The following C6orf132 variants were observed in gnomAD, a reference collection of about 807,000 sequenced individuals.
The protein encoded by C6orf132 is uncharacterized protein C6orf132.
A neutral mutation model predicts 65.3 loss-of-function variants in C6orf132; 43 were observed. The observed-to-expected ratio is 0.66, with a 90% CI of 0.52 to 0.85. The LOEUF (loss-of-function observed/expected upper bound fraction) is 0.85, where lower values mean the gene tolerates loss of function less well. C6orf132 is among the 40% of genes least tolerant of loss of function. The pLI is 0.00. For synonymous variants in C6orf132, 631 were observed against 654.1 expected, an observed-to-expected ratio of 0.96 and a Z score of 0.54; for missense variants, 1,488 against 1,548.8, an observed-to-expected ratio of 0.96 and a Z score of 0.66.
Position 42,105,181 on chromosome 6 carries a change from C to T in C6orf132, c.2731G>A (p.Glu911Lys), listed in dbSNP as rs1486739992. Residue 911 changes from glutamate (E) to lysine (K), a missense_variant, in exon 4 of 5, where the codon GAA becomes AAA. Coordinates refer to ENST00000341865, the MANE Select transcript of C6orf132 (RefSeq NM_001164446.3). ...EAEKDSPLTT[E>K]IPNKWGPRLG... ...CGCGGCCCCCACTTATTGGGTATTTCGGTCGTCAGCGGGGAGTCCTTCTCA... is the reference window on the plus strand; with the variant it reads ...CGCGGCCCCCACTTATTGGGTATTTTGGTCGTCAGCGGGGAGTCCTTCTCA... The T allele has an allele frequency of 8.5e-6, 13 of 1,537,064 alleles. No individual in the cohort carries two copies. The highest frequency in any genetic ancestry group is 1.7e-4 in the Middle Eastern group (1 of 6,012).
At position 42,128,682 on chromosome 6, in the gene C6orf132, A is replaced by G; in HGVS notation, c.242T>C (p.Phe81Ser). Residue 81 changes from phenylalanine to serine, a missense_variant, in exon 2 of 5, where the codon TTC becomes TCC. Coordinates refer to ENST00000341865, the MANE Select transcript of C6orf132 (RefSeq NM_001164446.3). ...CAGAACCGTACTCACCAGCGGAAGGAAGGTCAGCAGGGGCCGGACTCTTGG... is the reference window on the plus strand; with the variant it reads ...CAGAACCGTACTCACCAGCGGAAGGGAGGTCAGCAGGGGCCGGACTCTTGG... ...ARPRVRPLLT[F>S]LPLNAQENHG... 6.4e-7 allele frequency: 1 copy of G among 1,551,136 alleles called. No homozygotes were observed. Among genetic ancestry groups the G allele is most frequent in the African/African-American group, 1.4e-5 (1 of 73,116 alleles).
chr6:42,110,221 A>G lies in C6orf132; in HGVS notation c.323T>C (p.Val108Ala). The G allele has an allele frequency of 6.5e-7, 1 of 1,548,574 alleles. No homozygotes were observed. ...SVPDDFADKE[V>A]TGTSSLVNGN... ...CAAGCCCAGGGTTCACTTACCTGTC[A>G]CTTCTTTGTCTGCAAAATCATCTGG... Residue 108 changes from valine (V) to alanine (A), a missense_variant, in exon 3 of 5, where the codon GTG (valine) becomes GCG (alanine). Transcript: ENST00000341865.
At chr6:42,131,309 C>T (rs768123235) in intron 1 of C6orf132, among the ~76,000 whole-genome samples, 10 of 152,244 alleles carry the variant, frequency 6.6e-5, no homozygotes, top group Non-Finnish European at 1.3e-4. Context: ...GTGTGTACCA[C>T]GCGCCCAGCC....
rs1212637682 is a variant in C6orf132 at position 42,104,881 on chromosome 6, A to T, written c.3031T>A (p.Ser1011Thr). Residue 1011 changes from serine to threonine, a missense_variant, in exon 4 of 5, where the codon TCC (serine) becomes ACC (threonine). By Grantham distance (58) the Ser-to-Thr change is moderately conservative. Transcript: ENST00000341865. This position sits in a 1 kb window ranked among gnomAD's most constrained non-coding sequence, Gnocchi z 4.1. The stretch of plus-strand genomic sequence containing the variant: ...TCTGAGTAGTTGTTCCGGGGAGGGG[A>T]GCTCTGGCGGCCCAGATACTGGAGG... ...PALQYLGRQS[S>T]PPRNNYSDLR... 1 of 1,447,520 alleles carries T rather than the reference A, an allele frequency of 6.9e-7. No homozygotes were observed. The highest frequency in any genetic ancestry group is 1.4e-5 in the African/African-American group (1 of 69,764). The allele number at this position is 1,447,520 out of a possible 1,614,324, so 89.7% of individuals were successfully genotyped here.
At position 42,107,237 on chromosome 6, in the gene C6orf132, G is replaced by A. The variant is rs1192030598; in HGVS notation, c.675C>T (p.Ala225=). ...GGGCTGGCACAGGAGGCGGTGGGGG[G>A]GCTAGAAAGGCCAAGGGTGGGGCAG... The part of the protein sequence containing the change: ...IPPAPPLAFL[A]PPPPPVPAPA... The change falls in exon 4 of 5, where the codon GCC becomes GCT. Residue 225 remains alanine, a synonymous_variant. Coordinates refer to ENST00000341865, the MANE Select transcript of C6orf132 (RefSeq NM_001164446.3). 1.3e-5 allele frequency: 17 copies of A among 1,349,226 alleles called. No individual in the cohort carries two copies. The highest frequency in any genetic ancestry group is 1.4e-5 in the Non-Finnish European group (14 of 1,029,184). 83.6% of individuals were successfully genotyped at this position (1,349,226 alleles called of 1,614,324 possible).
Position 42,103,734 on chromosome 6 carries a change from T to C in C6orf132, c.*27A>G. The C allele has an allele frequency of 7.7e-7, 1 of 1,298,346 alleles. No homozygotes were observed. Among genetic ancestry groups the C allele is most frequent in the East Asian group, 3.0e-5 (1 of 32,894 alleles). The allele number at this position is 1,298,346 out of a possible 1,614,324, so 80.4% of individuals were successfully genotyped here. A position where few individuals can be genotyped will look rare whatever the true frequency, so the allele number is the denominator to read the frequency against. Reference sequence around the variant, plus strand: ...CCAGATCCTTAAAGACACAGTTTGTTGGAGTAGAGCTAAGAGAACCCCTGG... The same window carrying C: ...CCAGATCCTTAAAGACACAGTTTGTCGGAGTAGAGCTAAGAGAACCCCTGG... On this transcript the variant is annotated 3_prime_UTR_variant, in exon 5 of 5. Coordinates refer to ENST00000341865, the MANE Select transcript of C6orf132 (RefSeq NM_001164446.3).
Position 42,107,092 on chromosome 6 carries a change from C to T in C6orf132, c.820G>A (p.Ala274Thr), listed in dbSNP as rs965851126. 6.8e-6 allele frequency: 10 copies of T among 1,461,530 alleles called. No individual in the cohort carries two copies. In the East Asian group the frequency reaches 2.2e-4, roughly 33 times the overall value. The allele number at this position is 1,461,530 out of a possible 1,614,324, so 90.5% of individuals were successfully genotyped here. ...LNGRQAEATR[A>T]SPPRSPAEPK... is the part of the protein sequence containing the mutation. ...TCAGCAGGGCTTCTCGGGGGGCTGG[C>T]TCTGGTGGCCTCTGCCTGCCTGCCA... The change falls in exon 4 of 5, where the codon GCC becomes ACC. Residue 274 changes from alanine (A) to threonine (T), a missense_variant. Transcript: ENST00000341865.
chr6:42,134,491 C>T (rs1335342851), intron 1 of C6orf132, among the ~76,000 whole-genome samples: 3 of 151,686 alleles, frequency 2.0e-5, no homozygotes, highest in South Asian at 2.1e-4. Context: ...ATCAGCCTGG[C>T]GGCCGGGCAC....
chr6:42,111,342 A>T (rs983186088), intron 2 of C6orf132, among the ~76,000 whole-genome samples: 4 of 142,056 alleles, frequency 2.8e-5, no homozygotes, highest in African/African-American at 1.1e-4. Context: ...GTGTAATGGC[A>T]TGATCTCTGC....
At position 42,102,847 on chromosome 6, in the gene C6orf132, G is replaced by T; in HGVS notation, c.*914C>A. On this transcript the variant is annotated 3_prime_UTR_variant, in exon 5 of 5. Transcript: ENST00000341865. The stretch of plus-strand genomic sequence containing the variant: ...AAGGCATCAAGAGTATTGGTGACTT[G>T]TAGTATCAGTGTTAGGAAAAATGCC... 2.6e-6 allele frequency: 1 copy of T among 386,356 alleles called. No individual in the cohort carries two copies. The highest frequency in any genetic ancestry group is 4.6e-6 in the Non-Finnish European group (1 of 218,816). The allele number at this position is 386,356 out of a possible 1,614,324, so 23.9% of individuals were successfully genotyped here. A position where few individuals can be genotyped will look rare whatever the true frequency, so the allele number is the denominator to read the frequency against.
chr6:42,104,972 C>T lies in C6orf132; in HGVS notation c.2940G>A (p.Glu980=). ...PSNKREEEEE[E]FNFEVIPPPP... Reference sequence around the variant, plus strand: ...GCGGTGGGATGACCTCGAAGTTGAACTCCTCCTCCTCCTCCTCCCTCTTGT... The same window carrying T: ...GCGGTGGGATGACCTCGAAGTTGAATTCCTCCTCCTCCTCCTCCCTCTTGT... The change falls in exon 4 of 5, where the codon GAG becomes GAA. Residue 980 remains glutamate, a synonymous_variant. Coordinates refer to ENST00000341865, the MANE Select transcript of C6orf132 (RefSeq NM_001164446.3). This position sits in a 1 kb window ranked among gnomAD's most constrained non-coding sequence, Gnocchi z 4.1. The T allele has an allele frequency of 1.7e-6, 2 of 1,184,942 alleles. No individual in the cohort carries two copies. The highest frequency in any genetic ancestry group is 2.3e-6 in the Non-Finnish European group (2 of 864,250). 73.4% of individuals were successfully genotyped at this position (1,184,942 alleles called of 1,614,324 possible). A position where few individuals can be genotyped will look rare whatever the true frequency, so the allele number is the denominator to read the frequency against.
intron 2 of C6orf132, among the ~76,000 whole-genome samples, chr6:42,112,011 G>A (rs952996879): frequency 1.4e-5 from 2 of 139,564 alleles, no homozygotes; most frequent in African/African-American, 2.9e-5. Context: ...TAGCTTCACC[G>A]ACTCCCTCCC....
intron 1 of C6orf132, among the ~76,000 whole-genome samples, chr6:42,138,646 G>C (rs12192374): frequency 6.6e-6 from 1 of 152,252 alleles, no homozygotes; most frequent in East Asian, 1.9e-4. Flanking sequence ...TAGAGGAACG[G>C]GGTAGGAAAG....
chr6:42,138,824 C>T (rs568402625), intron 1 of C6orf132, among the ~76,000 whole-genome samples: 4 of 145,572 alleles, frequency 2.7e-5, no homozygotes, highest in Admixed American at 1.4e-4. Context: ...TGCGAAGATC[C>T]ACATCTCTGC....
At chr6:42,115,703 T>C (rs937595259) in intron 2 of C6orf132, among the ~76,000 whole-genome samples, 2 of 152,230 alleles carry the variant, frequency 1.3e-5, no homozygotes, top group Middle Eastern at 6.8e-3. Flanking sequence ...TTATCTTATG[T>C]ATATCTTATA....
In C6orf132 at chr6:42,142,591, T is replaced by G; in HGVS notation, c.-147A>C. 9.2e-5 allele frequency: 38 copies of G among 414,746 alleles called. No individual in the cohort carries two copies. The highest frequency in any genetic ancestry group is 9.6e-5 in the Non-Finnish European group (26 of 271,304). 25.7% of individuals were successfully genotyped at this position (414,746 alleles called of 1,614,324 possible). Reference sequence around the variant, plus strand: ...CCCCGCCCGCGCACCGGGCAACAGGTGCTGCGGGCGCCGCCGCTTGCCGGG... The same window carrying G: ...CCCCGCCCGCGCACCGGGCAACAGGGGCTGCGGGCGCCGCCGCTTGCCGGG... On this transcript the variant is annotated 5_prime_UTR_variant, in exon 1 of 5. Coordinates refer to ENST00000341865, the MANE Select transcript of C6orf132 (RefSeq NM_001164446.3).
At chr6:42,132,798 A>T (rs1423752468) in intron 1 of C6orf132, among the ~76,000 whole-genome samples, 1 of 150,228 alleles carries the variant, frequency 6.7e-6, no homozygotes, top group Non-Finnish European at 1.5e-5. Context: ...CAGAGGTTGT[A>T]GTGAGCTGAG....
At chr6:42,123,133 G>A (rs1288402720) in intron 2 of C6orf132, among the ~76,000 whole-genome samples, 1 of 152,070 alleles carries the variant, frequency 6.6e-6, no homozygotes, top group Non-Finnish European at 1.5e-5. Context: ...CGTAATCCCA[G>A]AACTTTGGCA....
intron 1 of C6orf132, among the ~76,000 whole-genome samples, chr6:42,129,741 A>G (rs1766823907): frequency 6.6e-6 from 1 of 152,210 alleles, no homozygotes; most frequent in Admixed American, 6.5e-5. Context: ...CCCTCCTGCT[A>G]TGTGGCTCAT....
Sources: gnomAD v4.1 joint callset for allele counts (sites outside exome capture counted in the v4.1 genomes callset) on GRCh38, gnomAD v4.1.1 for gene constraint, Gnocchi (gnomAD v3.1) non-coding constraint, MANE v1.5 for transcripts, NCBI Gene and HGNC (gene_info 2026-07-23, HGNC 2026-07-21) for gene names.